The following MALT1 variants were observed in gnomAD, a reference collection of about 807,000 sequenced individuals.
The protein encoded by MALT1 is mucosa-associated lymphoid tissue lymphoma translocation protein 1.
In MALT1, 36 loss-of-function variants were observed where a neutral mutation model predicts 85.5. That is an observed-to-expected ratio of 0.42 (90% CI 0.32 to 0.56). The LOEUF (loss-of-function observed/expected upper bound fraction) is 0.56, where lower values mean the gene tolerates loss of function less well. MALT1 is among the 20% of genes least tolerant of loss of function. The pLI is 0.10. For synonymous variants in MALT1, 359 were observed against 361.3 expected, an observed-to-expected ratio of 0.99 and a Z score of 0.07; for missense variants, 716 against 981.6, an observed-to-expected ratio of 0.73 and a Z score of 3.62.
At chr18:58,678,564 A>G (rs1422649731) in intron 1 of MALT1, among the ~76,000 whole-genome samples, 1 of 152,104 alleles carries the variant, frequency 6.6e-6, no homozygotes, top group East Asian at 1.9e-4. Context: ...CATGCTCATG[A>G]AGAAAAGCTC....
chr18:58,692,441 TCTCC>T (rs34461599), intron 2 of MALT1, among the ~76,000 whole-genome samples: 18 of 119,624 alleles, frequency 1.5e-4, no homozygotes, highest in East Asian at 2.4e-4. Context: ...TCTCTCACTC[TCTCC>T]CTCCCTCCCT....
In MALT1 at chr18:58,733,398, G is replaced by T. The variant is rs759354209; in HGVS notation, c.1224G>T (p.Gly408=). ...CTCTCTTATTTTTCCTCTTTTCAGG[G>T]TTATTATATTATGCAGGACATGGTT... ...FLLLLDKGVY[G]LLYYAGHGYE... Residue 408 remains glycine, a splice_region_variant and synonymous_variant, in exon 11 of 17, where the codon GGG becomes GGT. Transcript: ENST00000649217. The T allele has an allele frequency of 6.3e-7, 1 of 1,595,738 alleles. No homozygotes were observed. The highest frequency in any genetic ancestry group is 1.8e-5 in the Admixed American group (1 of 56,070).
intron 12 of MALT1, among the ~76,000 whole-genome samples, chr18:58,734,808 A>G (rs2055202438): frequency 6.6e-6 from 1 of 152,222 alleles, no homozygotes; most frequent in Admixed American, 6.5e-5. Context: ...AGAAGAGAAA[A>G]TGAAGCTTAT....
At position 58,733,409 on chromosome 18, in the gene MALT1, A is replaced by AT; in HGVS notation, c.1236dup (p.Ala413CysfsTer6). On this transcript the variant is annotated frameshift_variant, in exon 11 of 17. Transcript: ENST00000649217. LOFTEE classifies it high-confidence loss of function. ...TTCCTCTTTTCAGGGTTATTATATT[A>AT]TGCAGGACATGGTTATGAAAATTTT... 6.2e-7 allele frequency: 1 copy of AT among 1,606,268 alleles called. No homozygotes were observed. Among genetic ancestry groups the AT allele is most frequent in the Non-Finnish European group, 8.5e-7 (1 of 1,176,768 alleles).
intron 2 of MALT1, among the ~76,000 whole-genome samples, chr18:58,688,753 C>T (rs1489152573): frequency 6.6e-6 from 1 of 152,060 alleles, no homozygotes; most frequent in East Asian, 1.9e-4. Context: ...ATGGTATATT[C>T]ATGAGCCGTG....
Position 58,754,078 on chromosome 18 carries a change from A to C in MALT1, c.*6236A>C, listed in dbSNP as rs2055481305. On this transcript the variant is annotated 3_prime_UTR_variant, in exon 17 of 17. Coordinates refer to ENST00000649217, the MANE Select transcript of MALT1 (RefSeq NM_006785.4). ...ACATTTTACACACAGTCTTATTTAAAACAGCCTTGCAGTTTATAGATGAAC... is the reference window on the plus strand; with the variant it reads ...ACATTTTACACACAGTCTTATTTAACACAGCCTTGCAGTTTATAGATGAAC... 6.6e-6 allele frequency: 1 copy of C among 152,210 alleles called. No individual in the cohort carries two copies. The allele number at this position is 152,210 out of a possible 1,614,324, so 9.4% of individuals were successfully genotyped here.
In MALT1 at chr18:58,749,642, TG is replaced by T. The variant is rs1341079346; in HGVS notation, c.*1802del. 4.5e-6 allele frequency: 1 copy of T among 220,184 alleles called. No homozygotes were observed. Among genetic ancestry groups the T allele is most frequent in the African/African-American group, 2.2e-5 (1 of 44,630 alleles). The allele number at this position is 220,184 out of a possible 1,614,324, so 13.6% of individuals were successfully genotyped here. A position where few individuals can be genotyped will look rare whatever the true frequency, so the allele number is the denominator to read the frequency against. On this transcript the variant is annotated 3_prime_UTR_variant, in exon 17 of 17. Coordinates refer to ENST00000649217, the MANE Select transcript of MALT1 (RefSeq NM_006785.4). Reference sequence around the variant, plus strand: ...TTGAGGGTTATAAATTTTAGCAAGTTGGTAAATTCACAAATACATAACCTTG... The same window carrying T: ...TTGAGGGTTATAAATTTTAGCAAGTTGTAAATTCACAAATACATAACCTTG...
intron 10 of MALT1, among the ~76,000 whole-genome samples, chr18:58,732,762 C>CTATATATATATATAT (rs879522631): frequency 5.3e-5 from 8 of 150,532 alleles, no homozygotes; most frequent in African/African-American, 2.0e-4. Flanking sequence ...ATCCTAGCTG[C>CTATATATATATATAT]ATTCTTTTTT....
chr18:58,671,597 A>T lies in MALT1; in HGVS notation c.-47A>T. The T allele has an allele frequency of 8.6e-7, 1 of 1,169,364 alleles. No homozygotes were observed. The highest frequency in any genetic ancestry group is 1.1e-6 in the Non-Finnish European group (1 of 937,416). The allele number at this position is 1,169,364 out of a possible 1,614,324, so 72.4% of individuals were successfully genotyped here. A position where few individuals can be genotyped will look rare whatever the true frequency, so the allele number is the denominator to read the frequency against. The stretch of plus-strand genomic sequence containing the variant: ...AGGTGCCCCGGGGCCGAGGCCCGTG[A>T]CGGGGCGGGCGGGAGCCCCGGCAGT... On this transcript the variant is annotated 5_prime_UTR_variant, in exon 1 of 17. Transcript: ENST00000649217.
chr18:58,681,635 T>C (rs2054323964), intron 2 of MALT1, among the ~76,000 whole-genome samples: 1 of 152,240 alleles, frequency 6.6e-6, no homozygotes, highest in Non-Finnish European at 1.5e-5. Flanking sequence ...TGTCCTTTTT[T>C]TAAAAGGAGA....
At chr18:58,711,204 C>T (rs1481425388) in intron 7 of MALT1, among the ~76,000 whole-genome samples, 1 of 152,114 alleles carries the variant, frequency 6.6e-6, no homozygotes, top group Non-Finnish European at 1.5e-5. Context: ...GAACAAAGTT[C>T]CTGCATTGTA....
chr18:58,723,644 A>G (rs568725674), intron 10 of MALT1, among the ~76,000 whole-genome samples: 3 of 152,258 alleles, frequency 2.0e-5, no homozygotes, highest in Non-Finnish European at 2.9e-5. Flanking sequence ...AGTAGAATGT[A>G]TATTTTGTAT....
rs531047835 is a variant in MALT1 at position 58,723,250 on chromosome 18, T to C, written c.1221T>C (p.Tyr407=). 10 of 1,590,100 alleles carry C rather than the reference T, an allele frequency of 6.3e-6. No homozygotes were observed. The highest frequency in any genetic ancestry group is 1.7e-4 in the Middle Eastern group (1 of 6,006). ...TACTCCTTTTAGACAAGGGAGTATA[T>C]GGTAAGATATTTATAATGTTTGTTT... ...EFLLLLDKGV[Y]GLLYYAGHGY... The change falls in exon 10 of 17, where the codon TAT becomes TAC. Residue 407 remains tyrosine (Y), a splice_region_variant and synonymous_variant. Transcript: ENST00000649217.
At chr18:58,739,986 G>A (rs1295017127) in intron 13 of MALT1, among the ~76,000 whole-genome samples, 1 of 152,160 alleles carries the variant, frequency 6.6e-6, no homozygotes, top group African/African-American at 2.4e-5. Flanking sequence ...ACCAACCTGG[G>A]ATTGGTATTT....
At chr18:58,703,502 C>T (rs985637183) in intron 4 of MALT1, among the ~76,000 whole-genome samples, 1 of 152,180 alleles carries the variant, frequency 6.6e-6, no homozygotes, top group Non-Finnish European at 1.5e-5. Context: ...CACAGTTCTG[C>T]ATGGCTGGGG....
intron 8 of MALT1, 81 bp from the exon 9 acceptor site, chr18:58,715,854 A>C: frequency 1.1e-6 from 1 of 890,464 alleles, no homozygotes; most frequent in African/African-American, 1.7e-5. Context: ...GATGCTGCTG[A>C]TGTTATATAC....
In MALT1 at chr18:58,685,714, C is replaced by CT. The variant is rs1477267107; in HGVS notation, c.376+4380dup. 1.9e-4 allele frequency among the ~76,000 whole-genome samples: 29 copies of CT among 152,326 alleles called. No homozygotes were observed. In the East Asian group the frequency reaches 5.4e-3, roughly 28 times the overall value. ...TTTCCACTGCACATGGGTTGGCCAA[C>CT]TTGCCCCTCAGTGTGGTCTTACTTG... On this transcript the variant is annotated intron_variant, in intron 2 of 16. Transcript: ENST00000649217.
At chr18:58,706,217 C>G (rs181080213) in intron 4 of MALT1, among the ~76,000 whole-genome samples, 1 of 152,236 alleles carries the variant, frequency 6.6e-6, no homozygotes, top group East Asian at 1.9e-4. Context: ...AGTGCAGTGG[C>G]GTGATCTCGG....
intron 8 of MALT1, among the ~76,000 whole-genome samples, chr18:58,714,943 T>C (rs2054879820): frequency 6.6e-6 from 1 of 152,270 alleles, no homozygotes; most frequent in East Asian, 1.9e-4. Flanking sequence ...CATACTCATA[T>C]TGCATTAGCA....
Sources: gnomAD v4.1 joint callset for allele counts (sites outside exome capture counted in the v4.1 genomes callset) on GRCh38, gnomAD v4.1.1 for gene constraint, MANE v1.5 for transcripts, NCBI Gene and HGNC (gene_info 2026-07-23, HGNC 2026-07-21) for gene names.